GRAMD4: variants seen among roughly 807,000 people sequenced by gnomAD.
GRAMD4 encodes the protein GRAM domain-containing protein 4.
Under a neutral mutation model 83.9 loss-of-function variants are expected in GRAMD4, and 25 were observed. The observed-to-expected ratio is 0.30, with a 90% CI of 0.22 to 0.42. GRAMD4 has a LOEUF of 0.42. Ranked by LOEUF, GRAMD4 falls within the 10% of genes least tolerant of loss-of-function variation. GRAMD4 has a pLI of 1.00. For synonymous variants in GRAMD4, 336 were observed against 320.9 expected, an observed-to-expected ratio of 1.05 and a Z score of -0.50; for missense variants, 593 against 788.7, an observed-to-expected ratio of 0.75 and a Z score of 2.97.
Position 46,658,279 on chromosome 22 carries a change from C to G in GRAMD4, c.376C>G (p.Gln126Glu). The change falls in exon 4 of 19, where the codon CAG becomes GAG. Residue 126 changes from glutamine (Q) to glutamate (E), a missense_variant. Coordinates refer to ENST00000406902, the MANE Select transcript of GRAMD4 (RefSeq NM_015124.5). Reference sequence around the variant, plus strand: ...GCGGCAGCGGCGGATGGAGCTGGAGCAGAAGGTGCAGGAGGTGCTGAAGGC... The same window carrying G: ...GCGGCAGCGGCGGATGGAGCTGGAGGAGAAGGTGCAGGAGGTGCTGAAGGC... ...RERQRRMELE[Q>E]KVQEVLKART... The G allele has an allele frequency of 6.2e-7, 1 of 1,612,670 alleles. No homozygotes were observed. Among genetic ancestry groups the G allele is most frequent in the Non-Finnish European group, 8.5e-7 (1 of 1,179,714 alleles).
chr22:46,587,769 T>C (rs1473180727), intron 1 of GRAMD4, among the ~76,000 whole-genome samples: 1 of 151,838 alleles, frequency 6.6e-6, no homozygotes, highest in African/African-American at 2.4e-5. Flanking sequence ...AACTGACTGG[T>C]GGTCGTTGCT....
At chr22:46,670,890 AC>A (rs1285909502) in intron 13 of GRAMD4, among the ~76,000 whole-genome samples, 3 of 150,622 alleles carry the variant, frequency 2.0e-5, no homozygotes, top group Non-Finnish European at 4.4e-5. Context: ...GGCGTGAGCC[AC>A]TGCGCCCGGC....
chr22:46,662,416 G>GC (rs2082341362), intron 5 of GRAMD4, among the ~76,000 whole-genome samples: 1 of 152,242 alleles, frequency 6.6e-6, no homozygotes, highest in Non-Finnish European at 1.5e-5. Context: ...GCACCCCTGA[G>GC]CCCCCCTTCC....
At position 46,626,940 on chromosome 22, in the gene GRAMD4, C is replaced by G. The variant is rs367756638; in HGVS notation, c.141C>G (p.Asp47Glu). The G allele has an allele frequency of 1.9e-6, 3 of 1,613,460 alleles. No homozygotes were observed. The East Asian group carries it at 6.7e-5, about 36-fold the overall frequency. ...AGGTACCGCGGACCTCGCCCCGGGA[C>G]AGCGAGGAGCTGAGGGACCCTGTGA... ...PLKVPRTSPR[D>E]SEELRDPAGP... The change falls in exon 2 of 19, where the codon GAC becomes GAG. Residue 47 changes from aspartate (D) to glutamate (E), a missense_variant. Asp to Glu is a conservative substitution (Grantham distance 45). This residue lies in a region of GRAMD4 where 312 missense variants were observed against 350.7 expected (regional missense o/e 0.89). Transcript: ENST00000406902.
intron 4 of GRAMD4, among the ~76,000 whole-genome samples, chr22:46,660,049 C>T (rs940510019): frequency 6.6e-6 from 1 of 152,196 alleles, no homozygotes; most frequent in African/African-American, 2.4e-5. Flanking sequence ...CCCCGTGGCC[C>T]TGCTCCCTGT....
At chr22:46,674,182 A>C (rs757465592) in intron 15 of GRAMD4, among the ~76,000 whole-genome samples, 194 of 152,350 alleles carry the variant, frequency 1.3e-3, no homozygotes, top group Non-Finnish European at 2.4e-3. Context: ...ACCAGGGGAC[A>C]GGTGACTCAG....
At chr22:46,668,020 C>T in intron 10 of GRAMD4, 76 bp from the exon 11 acceptor site, 1 of 1,036,892 alleles carries the variant, frequency 9.6e-7, no homozygotes, top group East Asian at 2.5e-5. Context: ...GCTGGGAGGG[C>T]TCCACACTGT....
chr22:46,611,597 C>G (rs1414039001), intron 1 of GRAMD4, among the ~76,000 whole-genome samples: 1 of 152,130 alleles, frequency 6.6e-6, no homozygotes, highest in Non-Finnish European at 1.5e-5. Flanking sequence ...TCCTTTCATC[C>G]TGCTTTGTAC....
chr22:46,638,703 C>T (rs1018448248), intron 3 of GRAMD4, among the ~76,000 whole-genome samples: 1 of 152,230 alleles, frequency 6.6e-6, no homozygotes, highest in Non-Finnish European at 1.5e-5. Context: ...GCCAGCAACC[C>T]TGCTGTGTGT....
chr22:46,631,307 G>A (rs1049884071), intron 2 of GRAMD4, among the ~76,000 whole-genome samples: 15 of 152,298 alleles, frequency 9.8e-5, no homozygotes, highest in Non-Finnish European at 1.8e-4. Flanking sequence ...GGCCCAGCAC[G>A]TGTCACACGC....
chr22:46,672,964 C>G lies in GRAMD4; in HGVS notation c.1206C>G (p.Leu402=). The G allele has an allele frequency of 1.2e-6, 2 of 1,608,450 alleles. No individual in the cohort carries two copies. The highest frequency in any genetic ancestry group is 1.7e-6 in the Non-Finnish European group (2 of 1,179,382). ...GGAGTCTCCCCACCGACCCGCAGCT[C>G]AAGGAGCGCTCCAGCGCCGCAGTCT... is the stretch of plus-strand genomic sequence containing the variant. ...IWRSLPTDPQ[L]KERSSAAVSR... Residue 402 remains leucine (L), a synonymous_variant, in exon 14 of 19, where the codon CTC becomes CTG. Coordinates refer to ENST00000406902, the MANE Select transcript of GRAMD4 (RefSeq NM_015124.5). The surrounding 1 kb of genome is among the most constrained non-coding windows in gnomAD (Gnocchi z 4.7).
intron 13 of GRAMD4, among the ~76,000 whole-genome samples, chr22:46,670,894 C>T (rs952174592): frequency 6.7e-6 from 1 of 149,910 alleles, no homozygotes. Flanking sequence ...TGAGCCACTG[C>T]GCCCGGCCCC....
At chr22:46,579,743 A>G (rs935850964) in intron 1 of GRAMD4, among the ~76,000 whole-genome samples, 4 of 151,952 alleles carry the variant, frequency 2.6e-5, no homozygotes, top group Non-Finnish European at 5.9e-5. Context: ...AGCCGAATCT[A>G]CTGGGGTTTA....
At chr22:46,671,467 C>T (rs993731877) in intron 13 of GRAMD4, among the ~76,000 whole-genome samples, 1 of 151,290 alleles carries the variant, frequency 6.6e-6, no homozygotes, top group African/African-American at 2.4e-5. Context: ...GAGCAAGACT[C>T]TGTCTCAAAT....
Position 46,679,397 on chromosome 22 carries a change from G to C in GRAMD4, c.*2146G>C, listed in dbSNP as rs191689883. ...TCGGGGAGCGGGGGGTCGGGGGAGG[G>C]CCACCGACTGGCTCTGCTGCCAGCA... On this transcript the variant is annotated 3_prime_UTR_variant, in exon 19 of 19. Coordinates refer to ENST00000406902, the MANE Select transcript of GRAMD4 (RefSeq NM_015124.5). The C allele has an allele frequency of 2.0e-6, 2 of 985,410 alleles. No homozygotes were observed. Among genetic ancestry groups the C allele is most frequent in the Non-Finnish European group, 2.4e-6 (2 of 829,896 alleles). The allele number at this position is 985,410 out of a possible 1,614,324, so 61.0% of individuals were successfully genotyped here.
chr22:46,595,069 G>T (rs1414315632), intron 1 of GRAMD4, among the ~76,000 whole-genome samples: 3 of 152,152 alleles, frequency 2.0e-5, no homozygotes, highest in East Asian at 3.9e-4. Context: ...AGGCAAAGCA[G>T]CAGGAAAGTT....
rs1015516201 is a variant in GRAMD4 at position 46,659,711 on chromosome 22, G to C, written c.404+1404G>C. 3.3e-5 allele frequency among the ~76,000 whole-genome samples: 5 copies of C among 150,514 alleles called. No individual in the cohort carries two copies. Among genetic ancestry groups the C allele is most frequent in the African/African-American group, 1.2e-4 (5 of 40,072 alleles). On this transcript the variant is annotated intron_variant, in intron 4 of 18. Coordinates refer to ENST00000406902, the MANE Select transcript of GRAMD4 (RefSeq NM_015124.5). This position sits in a 1 kb window ranked among gnomAD's most constrained non-coding sequence, Gnocchi z 4.1. ...CATGACCTTGTGGAGTGCCCTGGGG[G>C]GCTCATGTGGGGGCTCATGTGGGGG...
intron 1 of GRAMD4, among the ~76,000 whole-genome samples, chr22:46,593,444 A>G (rs2081229852): frequency 6.6e-6 from 1 of 152,118 alleles, no homozygotes; most frequent in South Asian, 2.1e-4. Context: ...GGCCTGCCGC[A>G]CAGGGAGGGC....
In GRAMD4 at chr22:46,679,753, T is replaced by G. The variant is rs996485721; in HGVS notation, c.*2502T>G. 8.2e-6 allele frequency: 8 copies of G among 976,438 alleles called. No individual in the cohort carries two copies. The African/African-American group carries it at 1.4e-4, about 17-fold the overall frequency. The allele number at this position is 976,438 out of a possible 1,614,324, so 60.5% of individuals were successfully genotyped here. On this transcript the variant is annotated 3_prime_UTR_variant, in exon 19 of 19. Transcript: ENST00000406902. Reference sequence around the variant, plus strand: ...AAAAGTATTGTATAAATTATAATTTTTATTTAAATAAACCTAAAATGCTTT... The same window carrying G: ...AAAAGTATTGTATAAATTATAATTTGTATTTAAATAAACCTAAAATGCTTT...
Sources: allele counts gnomAD v4.1 joint callset (sites outside exome capture counted in the v4.1 genomes callset), GRCh38; gene constraint gnomAD v4.1.1; regional missense constraint gnomAD v4.1.1; non-coding constraint Gnocchi (gnomAD v3.1); transcripts MANE v1.5; gene names NCBI Gene and HGNC (gene_info 2026-07-23, HGNC 2026-07-21).